The following CSMD3 variants were observed in gnomAD, a reference collection of about 807,000 sequenced individuals.
CSMD3 encodes CUB and sushi domain-containing protein 3.
CSMD3 carries 177 observed loss-of-function variants against 435.2 expected under a neutral mutation model. The observed-to-expected ratio is 0.41, with a 90% confidence interval of 0.36 to 0.46. The LOEUF (loss-of-function observed/expected upper bound fraction) is 0.46. CSMD3 is among the 20% of genes least tolerant of loss of function. The probability of loss-of-function intolerance (pLI) is 0.34; values close to 1 mark genes in which losing one functional copy is unlikely to be tolerated. For missense variants in CSMD3, 4,265 were observed against 4,504.6 expected (o/e 0.95, Z 1.52); for synonymous variants, 1,656 against 1,520.5 (o/e 1.09, Z -2.07).
chr8:112,461,560 T>A (rs1228450593), intron 32 of CSMD3, among the ~76,000 whole-genome samples: 1 of 152,156 alleles, frequency 6.6e-6, no homozygotes, highest in Non-Finnish European at 1.5e-5. Flanking sequence ...AAGGAATTAT[T>A]TTGTGCCTAA....
chr8:113,276,601 A>G (rs1408336417), intron 3 of CSMD3, among the ~76,000 whole-genome samples: 1 of 152,068 alleles, frequency 6.6e-6, no homozygotes, highest in Non-Finnish European at 1.5e-5. Context: ...AAACCTTTGG[A>G]TACAAACCCA....
intron 5 of CSMD3, among the ~76,000 whole-genome samples, chr8:113,054,942 T>C (rs1054599572): frequency 7.2e-5 from 11 of 152,216 alleles, no homozygotes; most frequent in African/African-American, 2.7e-4. Flanking sequence ...ACATAACCTA[T>C]TCTGTAAGAA....
intron 5 of CSMD3, among the ~76,000 whole-genome samples, chr8:113,068,602 G>A (rs1243312820): frequency 6.6e-6 from 1 of 152,034 alleles, no homozygotes; most frequent in Admixed American, 6.6e-5. Flanking sequence ...CTCCACAACA[G>A]CAATTTTACA....
intron 1 of CSMD3, among the ~76,000 whole-genome samples, chr8:113,373,612 T>C (rs2094360601): frequency 6.6e-6 from 1 of 152,114 alleles, no homozygotes; most frequent in South Asian, 2.1e-4. Flanking sequence ...ACTGGTATTT[T>C]GAAATTTTGT....
intron 1 of CSMD3, among the ~76,000 whole-genome samples, chr8:113,372,940 C>CAA (rs34032302): frequency 0.043 from 5,430 of 125,122 alleles, 195 homozygotes; most frequent in Admixed American, 0.13. Flanking sequence ...GACTCCGTCT[C>CAA]AAAAAAAAAA....
chr8:113,406,008 T>A (rs1375702008), intron 1 of CSMD3, among the ~76,000 whole-genome samples: 1 of 151,822 alleles, frequency 6.6e-6, no homozygotes, highest in African/African-American at 2.4e-5. Context: ...CTTGCAATCA[T>A]TGTCATCACC....
intron 38 of CSMD3, among the ~76,000 whole-genome samples, chr8:112,363,114 C>G (rs541419843): frequency 1.4e-4 from 22 of 151,944 alleles, no homozygotes; most frequent in Non-Finnish European, 2.7e-4. Flanking sequence ...TAGTTGCATG[C>G]TGGTTGGTTT....
chr8:113,070,406 C>G (rs1283110397), intron 5 of CSMD3, among the ~76,000 whole-genome samples: 1 of 151,806 alleles, frequency 6.6e-6, no homozygotes, highest in Admixed American at 6.6e-5. Context: ...TGCCATAATC[C>G]TGGTAGAATT....
At chr8:113,364,460 A>C (rs2094298443) in intron 1 of CSMD3, among the ~76,000 whole-genome samples, 1 of 152,108 alleles carries the variant, frequency 6.6e-6, no homozygotes, top group African/African-American at 2.4e-5. Flanking sequence ...GCCTAAAAAT[A>C]TTTTACTAAA....
rs554071226 is a variant in CSMD3, at chr8:112,286,286, T to G, written c.9331+778A>C. ...TAGTCTCCCCTTATCTACTATTCTT[T>G]CCACAGTTTCACTTAGCCATGGTCA... On this transcript the variant is annotated intron_variant, in intron 58 of 70. Transcript: ENST00000297405. Among the ~76,000 whole-genome samples, 262 of 152,230 alleles carry G rather than the reference T, an allele frequency of 1.7e-3. 1 individual carries two copies. The highest frequency in any genetic ancestry group is 6.8e-3 in the Middle Eastern group (2 of 294).
chr8:112,701,894 T>TC (rs1318375550), intron 13 of CSMD3, among the ~76,000 whole-genome samples: 1 of 152,118 alleles, frequency 6.6e-6, no homozygotes, highest in East Asian at 1.9e-4. Context: ...ATGAAGAAAT[T>TC]GCTATTTATT....
intron 6 of CSMD3, among the ~76,000 whole-genome samples, chr8:112,981,777 A>C (rs886147608): frequency 1.3e-5 from 2 of 151,864 alleles, no homozygotes. Context: ...AATTTTAATA[A>C]ACACACATGC....
chr8:112,546,066 T>G (rs868570616), intron 27 of CSMD3, among the ~76,000 whole-genome samples: 2 of 152,190 alleles, frequency 1.3e-5, no homozygotes, highest in Non-Finnish European at 2.9e-5. Flanking sequence ...TACAAGTGTT[T>G]CAGGAATATG....
At chr8:112,324,781 C>A (rs1823336945) in intron 45 of CSMD3, among the ~76,000 whole-genome samples, 1 of 151,960 alleles carries the variant, frequency 6.6e-6, no homozygotes, top group African/African-American at 2.4e-5. Flanking sequence ...TCAGATTTAT[C>A]CTTTAAAAGA....
At chr8:112,644,977 A>C (rs2131611596) in intron 20 of CSMD3, 132 bp downstream of exon 20, 3 of 704,556 alleles carry the variant, frequency 4.3e-6, no homozygotes, top group Non-Finnish European at 5.2e-6. Flanking sequence ...TTAAATTGAA[A>C]TGTGTTTTAG....
chr8:113,387,496 A>T (rs570025657), intron 1 of CSMD3, among the ~76,000 whole-genome samples: 5 of 151,820 alleles, frequency 3.3e-5, no homozygotes, highest in Admixed American at 3.3e-4. Context: ...CGAAGTATTC[A>T]TAATAAATTT....
rs1217458388 is a variant in CSMD3, at chr8:113,165,820, A to G, written c.709+7902T>C. On this transcript the variant is annotated intron_variant, in intron 4 of 70. Coordinates refer to ENST00000297405, the MANE Select transcript of CSMD3 (RefSeq NM_198123.2). Reference sequence around the variant, plus strand: ...TAGCTATTGCATACAAGATGAGGGGAAAAAGTAAATAGTTGTGTGAATGAA... The same window carrying G: ...TAGCTATTGCATACAAGATGAGGGGGAAAAGTAAATAGTTGTGTGAATGAA... 3.3e-5 allele frequency among the ~76,000 whole-genome samples: 5 copies of G among 152,192 alleles called. No homozygotes were observed. The East Asian group carries it at 7.7e-4, about 24-fold the overall frequency.
intron 7 of CSMD3, among the ~76,000 whole-genome samples, chr8:112,975,054 T>C (rs1259230858): frequency 2.0e-5 from 3 of 152,014 alleles, no homozygotes; most frequent in African/African-American, 7.2e-5. Context: ...TGAATTTTTT[T>C]CCTAAACTTC....
chr8:113,388,205 C>T (rs2094447391), intron 1 of CSMD3, among the ~76,000 whole-genome samples: 1 of 151,530 alleles, frequency 6.6e-6, no homozygotes, highest in Admixed American at 6.6e-5. Context: ...ATTTGTATTT[C>T]ATGTGCAGGA....
Sources: gnomAD v4.1 joint callset for allele counts (sites outside exome capture counted in the v4.1 genomes callset) on GRCh38, gnomAD v4.1.1 for gene constraint, MANE v1.5 for transcripts, NCBI Gene and HGNC (gene_info 2026-07-23, HGNC 2026-07-21) for gene names.